The following ZNRF3 variants were observed in gnomAD, a reference collection of about 807,000 sequenced individuals.
ZNRF3 encodes the protein zinc and ring finger 3.
A neutral mutation model predicts 72.5 loss-of-function variants in ZNRF3; 23 were observed. The observed-to-expected ratio is 0.32, with a 90% CI of 0.23 to 0.45. The LOEUF is 0.45. Ranked by LOEUF, ZNRF3 falls within the 20% of genes least tolerant of loss-of-function variation. The pLI is 1.00. For missense variants in ZNRF3, 1,169 were observed against 1,272.1 expected (o/e 0.92, Z 1.23); for synonymous variants, 610 against 545.3 (o/e 1.12, Z -1.65).
intron 1 of ZNRF3, among the ~76,000 whole-genome samples, chr22:28,980,510 A>G (rs555289567): frequency 6.6e-6 from 1 of 152,342 alleles, no homozygotes; most frequent in Non-Finnish European, 1.5e-5. Flanking sequence ...TTGGAACAAA[A>G]TAAGGAGTGA....
intron 1 of ZNRF3, among the ~76,000 whole-genome samples, chr22:28,960,833 G>C (rs750310374): frequency 3.9e-5 from 6 of 152,012 alleles, no homozygotes; most frequent in Non-Finnish European, 8.8e-5. Flanking sequence ...CCACTAGTAG[G>C]GTTTCCCAGC....
intron 2 of ZNRF3, among the ~76,000 whole-genome samples, chr22:29,022,648 G>C (rs2036561059): frequency 6.6e-6 from 1 of 152,250 alleles, no homozygotes. Context: ...ACAAGTCTGA[G>C]TTACGCAGAT....
intron 2 of ZNRF3, among the ~76,000 whole-genome samples, chr22:29,022,959 AT>A (rs1316316513): frequency 6.6e-6 from 1 of 152,152 alleles, no homozygotes; most frequent in African/African-American, 2.4e-5. Context: ...TAGTGTAGCC[AT>A]TACCTGAATT....
chr22:28,888,021 A>C (rs563322768), intron 1 of ZNRF3, among the ~76,000 whole-genome samples: 2 of 152,296 alleles, frequency 1.3e-5, no homozygotes, highest in East Asian at 3.9e-4. Flanking sequence ...CATTTGTAGA[A>C]GGAATCTGAA....
chr22:28,997,014 G>A (rs2036055440), intron 2 of ZNRF3, among the ~76,000 whole-genome samples: 1 of 152,148 alleles, frequency 6.6e-6, no homozygotes, highest in Non-Finnish European at 1.5e-5. Flanking sequence ...TTTAACCCAA[G>A]TTCAGCTTAG....
intron 1 of ZNRF3, among the ~76,000 whole-genome samples, chr22:28,943,347 CT>C (rs1176404971): frequency 2.0e-5 from 3 of 152,172 alleles, no homozygotes; most frequent in Non-Finnish European, 4.4e-5. Flanking sequence ...GCAACCGATC[CT>C]TTGACGATGA....
chr22:28,924,935 C>T (rs536719270), intron 1 of ZNRF3, among the ~76,000 whole-genome samples: 2 of 152,126 alleles, frequency 1.3e-5, no homozygotes, highest in African/African-American at 4.8e-5. Context: ...GCCAGGATCA[C>T]CACCACCCCT....
intron 2 of ZNRF3, among the ~76,000 whole-genome samples, chr22:28,988,846 C>T (rs1483049351): frequency 6.6e-6 from 1 of 152,154 alleles, no homozygotes; most frequent in East Asian, 1.9e-4. Flanking sequence ...ATCTTTGTGT[C>T]TCTCGCATCT....
At chr22:28,890,241 C>T (rs950353532) in intron 1 of ZNRF3, among the ~76,000 whole-genome samples, 1 of 152,200 alleles carries the variant, frequency 6.6e-6, no homozygotes, top group Non-Finnish European at 1.5e-5. Context: ...TGGCTCACGC[C>T]TGTAATCCCA....
chr22:28,883,864 C>CGCCGCCGCCGCT lies in ZNRF3; in HGVS notation c.104_115dup (p.Pro35_Pro38dup). The CGCCGCCGCCGCT allele has an allele frequency of 1.0e-6, 1 of 1,003,282 alleles. No homozygotes were observed. The allele number at this position is 1,003,282 out of a possible 1,614,324, so 62.1% of individuals were successfully genotyped here. A position where few individuals can be genotyped will look rare whatever the true frequency, so the allele number is the denominator to read the frequency against. ...GGCCTCCGGTGCAGCCGCCTGCCGC[C>CGCCGCCGCCGCT]GCCGCCGCCGCTGCCGCTGCTGCTC... On this transcript the variant is annotated inframe_insertion, in exon 1 of 9. Transcript: ENST00000544604. The surrounding 1 kb of genome is among the most constrained non-coding windows in gnomAD (Gnocchi z 5.5).
intron 1 of ZNRF3, among the ~76,000 whole-genome samples, chr22:28,905,055 C>T (rs2034180793): frequency 6.6e-6 from 1 of 151,868 alleles, no homozygotes; most frequent in South Asian, 2.1e-4. Context: ...TCTGCCTCAA[C>T]CTCCCGAGTA....
chr22:28,884,157 TGGCG>T (rs1231973797), intron 1 of ZNRF3, 91 bp downstream of exon 1: 6 of 958,296 alleles, frequency 6.3e-6, no homozygotes, highest in Non-Finnish European at 7.5e-6. Context: ...GCTGCCTGAC[TGGCG>T]GGCGGGCGGG....
intron 2 of ZNRF3, among the ~76,000 whole-genome samples, chr22:29,001,312 G>A (rs34611614): frequency 0.021 from 3,185 of 151,462 alleles, 52 homozygotes; most frequent in Non-Finnish European, 0.034. Context: ...TTTAATTGGC[G>A]AATTTTTCCT....
intron 1 of ZNRF3, among the ~76,000 whole-genome samples, chr22:28,933,596 G>T (rs2034752893): frequency 6.6e-6 from 1 of 152,138 alleles, no homozygotes; most frequent in Admixed American, 6.5e-5. Flanking sequence ...AACAGGATGA[G>T]AATAGACATT....
At chr22:28,918,105 T>C (rs2034440788) in intron 1 of ZNRF3, among the ~76,000 whole-genome samples, 1 of 152,188 alleles carries the variant, frequency 6.6e-6, no homozygotes, top group African/African-American at 2.4e-5. Flanking sequence ...AGCTGTGCCC[T>C]TGGTGTGGGC....
chr22:28,968,236 T>C (rs1165331440), intron 1 of ZNRF3, among the ~76,000 whole-genome samples: 1 of 152,236 alleles, frequency 6.6e-6, no homozygotes, highest in Non-Finnish European at 1.5e-5. Context: ...CCAGTTTGGA[T>C]TATCATTTAA....
intron 4 of ZNRF3, 97 bp from the exon 5 acceptor site, chr22:29,044,683 T>C: frequency 2.4e-6 from 2 of 821,088 alleles, no homozygotes; most frequent in South Asian, 2.9e-5. Context: ...CTCATCCCGG[T>C]CACCCCATCT....
At position 29,018,682 on chromosome 22, in the gene ZNRF3, C is replaced by A. The variant is rs375398028; in HGVS notation, c.427-23813C>A. On this transcript the variant is annotated intron_variant, in intron 2 of 8. Transcript: ENST00000544604. ...CATGTAAGAGTCAGTGAAGGGAACC[C>A]GAAGACCTCAGAGAGAAGAAAACAG... 7.9e-5 allele frequency: 12 copies of A among 152,344 alleles called. No individual in the cohort carries two copies. The East Asian group carries it at 1.4e-3, about 17-fold the overall frequency. The allele number at this position is 152,344 out of a possible 1,614,324, so 9.4% of individuals were successfully genotyped here. A position where few individuals can be genotyped will look rare whatever the true frequency, so the allele number is the denominator to read the frequency against.
At chr22:29,039,760 A>G (rs891267341) in intron 2 of ZNRF3, among the ~76,000 whole-genome samples, 2 of 146,728 alleles carry the variant, frequency 1.4e-5, no homozygotes, top group African/African-American at 5.1e-5. Context: ...CAACCTGGGC[A>G]ACATAGTGAG....
Sources: allele counts gnomAD v4.1 joint callset (sites outside exome capture counted in the v4.1 genomes callset), GRCh38; gene constraint gnomAD v4.1.1; non-coding constraint Gnocchi (gnomAD v3.1); transcripts MANE v1.5; gene names NCBI Gene and HGNC (gene_info 2026-07-23, HGNC 2026-07-21).